Variants in ARHGAP44 observed in about 807,000 individuals in gnomAD.
ARHGAP44 encodes Rho GTPase activating protein 44.
Under a neutral mutation model 106.8 loss-of-function variants are expected in ARHGAP44, and 43 were observed. The observed-to-expected ratio is 0.40, with a 90% CI of 0.32 to 0.52. The LOEUF (loss-of-function observed/expected upper bound fraction) is 0.52, where lower values mean the gene tolerates loss of function less well. Ranked by LOEUF, ARHGAP44 falls within the 20% of genes least tolerant of loss-of-function variation. The pLI is 0.48. For missense variants in ARHGAP44, 866 were observed against 1,050.5 expected (o/e 0.82, Z 2.43); for synonymous variants, 439 against 410.3 (o/e 1.07, Z -0.85).
At chr17:12,943,715 T>C (rs760731964) in intron 9 of ARHGAP44, 46 bp downstream of exon 9, 12 of 1,583,862 alleles carry the variant, frequency 7.6e-6, no homozygotes, top group South Asian at 3.3e-5. Context: ...GGGTGCCTGC[T>C]TGCCTTCCCG....
intron 1 of ARHGAP44, among the ~76,000 whole-genome samples, chr17:12,889,146 G>T (rs1262044341): frequency 6.6e-6 from 1 of 151,864 alleles, no homozygotes; most frequent in Admixed American, 6.6e-5. Flanking sequence ...GTTTTTCATT[G>T]CTTGTATTCC....
Position 12,976,505 on chromosome 17 carries a change from C to T in ARHGAP44, c.1763+2195C>T, listed in dbSNP as rs3785715. Reference sequence around the variant, plus strand: ...GTATATGTCTATAGTCCCAGCTACTCAGGAGGCTGAGGCAGGAGAATCGCT... The same window carrying T: ...GTATATGTCTATAGTCCCAGCTACTTAGGAGGCTGAGGCAGGAGAATCGCT... On this transcript the variant is annotated intron_variant, in intron 18 of 20. Transcript: ENST00000379672. Among the ~76,000 whole-genome samples the T allele has an allele frequency of 1.0e-4, 15 of 149,804 alleles. No individual in the cohort carries two copies. The East Asian group carries it at 2.4e-3, about 24-fold the overall frequency.
intron 1 of ARHGAP44, among the ~76,000 whole-genome samples, chr17:12,858,045 A>T (rs2150861119): frequency 6.6e-6 from 1 of 152,240 alleles, no homozygotes; most frequent in Non-Finnish European, 1.5e-5. Context: ...TTGTATATGT[A>T]TATTTTGAGA....
chr17:12,868,758 A>G (rs1052364877), intron 1 of ARHGAP44, among the ~76,000 whole-genome samples: 1 of 151,038 alleles, frequency 6.6e-6, no homozygotes, highest in African/African-American at 2.4e-5. Context: ...CCCGGGTTCA[A>G]GCAGTTCTCC....
chr17:12,893,893 C>T (rs2037122369), intron 1 of ARHGAP44, among the ~76,000 whole-genome samples: 1 of 152,160 alleles, frequency 6.6e-6, no homozygotes, highest in South Asian at 2.1e-4. Context: ...TGAAGGACAA[C>T]ACTTTTACCA....
chr17:12,856,423 G>A (rs1007731464), intron 1 of ARHGAP44, among the ~76,000 whole-genome samples: 6 of 152,110 alleles, frequency 3.9e-5, no homozygotes, highest in African/African-American at 1.4e-4. Context: ...CTTCCCTACA[G>A]GTAGGCTTAG....
At chr17:12,981,764 A>T (rs1280762740) in intron 19 of ARHGAP44, among the ~76,000 whole-genome samples, 2 of 150,220 alleles carry the variant, frequency 1.3e-5, no homozygotes, top group Non-Finnish European at 3.0e-5. Flanking sequence ...TAATCCTAGC[A>T]CTTTGGGAGG....
chr17:12,967,000 T>G (rs1281308612), intron 16 of ARHGAP44, among the ~76,000 whole-genome samples: 5 of 152,102 alleles, frequency 3.3e-5, no homozygotes, highest in Non-Finnish European at 5.9e-5. Flanking sequence ...AGCTGGGATC[T>G]TCCAAATTTT....
In ARHGAP44 at chr17:12,859,897, T is replaced by C. The variant is rs115438944; in HGVS notation, c.54-35043T>C. Among the ~76,000 whole-genome samples the C allele has an allele frequency of 2.2e-3, 331 of 152,198 alleles. 2 individuals are homozygous for C. The highest frequency in any genetic ancestry group is 7.6e-3 in the African/African-American group (316 of 41,506). ...GAGTGGGCAAAGCAAAGTCAACACGTGGCAGAAGTTCACTGTCAAGCTTAA... is the reference window on the plus strand; with the variant it reads ...GAGTGGGCAAAGCAAAGTCAACACGCGGCAGAAGTTCACTGTCAAGCTTAA... On this transcript the variant is annotated intron_variant, in intron 1 of 20. Coordinates refer to ENST00000379672, the MANE Select transcript of ARHGAP44 (RefSeq NM_014859.6).
At chr17:12,792,343 T>G (rs1397567974) in intron 1 of ARHGAP44, among the ~76,000 whole-genome samples, 1 of 152,198 alleles carries the variant, frequency 6.6e-6, no homozygotes, top group Non-Finnish European at 1.5e-5. Context: ...TTTTATTTTC[T>G]TGTCTGTCTG....
Position 12,928,936 on chromosome 17 carries a change from C to T in ARHGAP44, c.472C>T (p.Gln158Ter). ...DMDSSRTRWQ[Q>*]TSKSSGLSSS... ...TCTCCTATTTTCCATCAGGTGGCAGCAGACTTCCAAGTCTTCAGGTTTGTC... is the reference window on the plus strand; with the variant it reads ...TCTCCTATTTTCCATCAGGTGGCAGTAGACTTCCAAGTCTTCAGGTTTGTC... The change falls in exon 7 of 21, where the codon CAG becomes TAG. Residue 158 changes from glutamine to a stop codon, truncating the protein, a stop_gained. Transcript: ENST00000379672. LOFTEE classifies it high-confidence loss of function. 1 of 1,611,288 alleles carries T rather than the reference C, an allele frequency of 6.2e-7. No homozygotes were observed. The highest frequency in any genetic ancestry group is 8.5e-7 in the Non-Finnish European group (1 of 1,178,754).
intron 1 of ARHGAP44, among the ~76,000 whole-genome samples, chr17:12,817,977 A>G (rs566827430): frequency 6.6e-6 from 1 of 152,156 alleles, no homozygotes; most frequent in South Asian, 2.1e-4. Context: ...AAACAGAAGG[A>G]GAGAGAACAC....
chr17:12,838,858 GTGTATATATA>G (rs2035314961), intron 1 of ARHGAP44, among the ~76,000 whole-genome samples: 2 of 151,832 alleles, frequency 1.3e-5, no homozygotes, highest in Non-Finnish European at 2.9e-5. Context: ...GTGTATGTGT[GTGTATATATA>G]TGTATATATA....
chr17:12,945,155 A>G (rs1371716697), intron 10 of ARHGAP44, among the ~76,000 whole-genome samples: 3 of 151,940 alleles, frequency 2.0e-5, no homozygotes, highest in Non-Finnish European at 4.4e-5. Context: ...GTTTACAGGC[A>G]TGTGCCACCA....
intron 16 of ARHGAP44, among the ~76,000 whole-genome samples, chr17:12,960,603 C>T (rs111904892): frequency 4.5e-4 from 69 of 151,672 alleles, no homozygotes; most frequent in African/African-American, 1.5e-3. Flanking sequence ...CTCTGTCACC[C>T]GGGCTGGAGT....
At chr17:12,855,865 A>G (rs1377053924) in intron 1 of ARHGAP44, among the ~76,000 whole-genome samples, 1 of 152,238 alleles carries the variant, frequency 6.6e-6, no homozygotes, top group Non-Finnish European at 1.5e-5. Context: ...CAGTGTGGAT[A>G]TAAGGCTTTG....
chr17:12,979,772 G>A (rs1252568911), intron 18 of ARHGAP44, among the ~76,000 whole-genome samples: 1 of 152,224 alleles, frequency 6.6e-6, no homozygotes, highest in East Asian at 1.9e-4. Context: ...CCCTCACATT[G>A]CTCACGGTCT....
intron 3 of ARHGAP44, among the ~76,000 whole-genome samples, chr17:12,898,928 A>G (rs1463425368): frequency 6.6e-6 from 1 of 151,722 alleles, no homozygotes; most frequent in African/African-American, 2.4e-5. Flanking sequence ...GTGCCCAAGC[A>G]TGTATAGGTC....
chr17:12,968,345 T>TGAC (rs1194668819), intron 16 of ARHGAP44, among the ~76,000 whole-genome samples: 1 of 152,178 alleles, frequency 6.6e-6, no homozygotes, highest in African/African-American at 2.4e-5. Flanking sequence ...CAAGGACAGC[T>TGAC]GACGGTTGCA....
Sources: gnomAD v4.1 joint callset for allele counts (sites outside exome capture counted in the v4.1 genomes callset) on GRCh38, gnomAD v4.1.1 for gene constraint, MANE v1.5 for transcripts, NCBI Gene and HGNC (gene_info 2026-07-23, HGNC 2026-07-21) for gene names.